GLIS3: variants seen among roughly 807,000 people sequenced by gnomAD.
The protein encoded by GLIS3 is zinc finger protein GLIS3.
A neutral mutation model predicts 78.6 loss-of-function variants in GLIS3; 53 were observed. The ratio of observed to expected loss-of-function variants is 0.67; its 90% CI spans 0.54 to 0.85. GLIS3 has a LOEUF of 0.85. Ranked by LOEUF, GLIS3 falls within the 40% of genes least tolerant of loss-of-function variation. The pLI is 0.00. For missense variants in GLIS3, 1,703 were observed against 1,231.1 expected (o/e 1.38, Z -5.74); for synonymous variants, 684 against 509.9 (o/e 1.34, Z -4.60).
chr9:4,316,177 T>C (rs1480884223), intron 2 of GLIS3, among the ~76,000 whole-genome samples: 1 of 152,182 alleles, frequency 6.6e-6, no homozygotes, highest in East Asian at 1.9e-4. Context: ...TCCACCTTTT[T>C]CTGGTTTTGG....
intron 4 of GLIS3, among the ~76,000 whole-genome samples, chr9:4,028,101 T>C (rs561167254): frequency 6.6e-6 from 1 of 152,258 alleles, no homozygotes; most frequent in African/African-American, 2.4e-5. Flanking sequence ...TAATTGAACA[T>C]CAACCAGGTC....
At chr9:4,391,553 GT>G in the GLIS3 span, among the ~76,000 whole-genome samples, 4 of 124,634 alleles carry the variant, frequency 3.2e-5, no homozygotes, top group African/African-American at 1.0e-4. Context: ...TAAGAGGGGT[GT>G]GTGTGTGTGT....
intron 2 of GLIS3, among the ~76,000 whole-genome samples, chr9:4,127,495 C>A (rs1468130738): frequency 8.5e-5 from 13 of 152,062 alleles, no homozygotes; most frequent in Admixed American, 8.5e-4. Flanking sequence ...GTTTTCGTAA[C>A]TCATAAAGCA....
intron 2 of GLIS3, among the ~76,000 whole-genome samples, chr9:4,277,046 G>T (rs1267990091): frequency 6.6e-6 from 1 of 152,028 alleles, no homozygotes; most frequent in Non-Finnish European, 1.5e-5. Context: ...AAATAACCAC[G>T]GATTTTGCCC....
intron 2 of GLIS3, among the ~76,000 whole-genome samples, chr9:4,184,729 C>G (rs559023206): frequency 1.2e-4 from 19 of 152,280 alleles, no homozygotes; most frequent in African/African-American, 4.6e-4. Flanking sequence ...TGGATGCTAA[C>G]TCTCCCCTAT....
At chr9:4,226,089 A>G (rs1821743928) in intron 2 of GLIS3, among the ~76,000 whole-genome samples, 1 of 152,172 alleles carries the variant, frequency 6.6e-6, no homozygotes, top group African/African-American at 2.4e-5. Context: ...CCTTTAATCA[A>G]CTTCAAACAT....
At chr9:4,048,065 C>A in intron 4 of GLIS3, among the ~76,000 whole-genome samples, 1 of 152,088 alleles carries the variant, frequency 6.6e-6, no homozygotes, top group African/African-American at 2.4e-5. Context: ...CCAATTGAAC[C>A]CATGATTGGA....
At chr9:4,017,462 G>A (rs187509360) in intron 4 of GLIS3, among the ~76,000 whole-genome samples, 7 of 152,240 alleles carry the variant, frequency 4.6e-5, no homozygotes, top group South Asian at 4.1e-4. Flanking sequence ...ACATGAGCGC[G>A]CGTAATACAA....
intron 2 of GLIS3, among the ~76,000 whole-genome samples, chr9:4,277,761 T>G (rs114266260): frequency 0.015 from 2,327 of 152,306 alleles, 66 homozygotes; most frequent in African/African-American, 0.053. Context: ...CTTAAATATT[T>G]AAATAGTTGT....
At chr9:3,856,552 G>A (rs745359971) in intron 8 of GLIS3, among the ~76,000 whole-genome samples, 105 of 152,272 alleles carry the variant, frequency 6.9e-4, no homozygotes, top group Middle Eastern at 6.8e-3. Context: ...CATTTAAGGG[G>A]AAATTTGATC....
intron 4 of GLIS3, among the ~76,000 whole-genome samples, chr9:4,059,827 T>TGAGAGAGAGAGA (rs1252079860): frequency 7.0e-4 from 75 of 106,782 alleles, no homozygotes; most frequent in African/African-American, 2.3e-3. Context: ...TGTGTGTGTG[T>TGAGAGAGAGAGA]GTGAGAGAGA....
Position 4,246,926 on chromosome 9 carries a change from T to C in GLIS3, c.388+39112A>G, listed in dbSNP as rs188325195. Reference sequence around the variant, plus strand: ...CTTTTTCACATTGTTTACCCAAACATTGGCAATAAAGAAGATCAAGCCAGC... The same window carrying C: ...CTTTTTCACATTGTTTACCCAAACACTGGCAATAAAGAAGATCAAGCCAGC... On this transcript the variant is annotated intron_variant, in intron 2 of 10. Coordinates refer to ENST00000381971, the MANE Select transcript of GLIS3 (RefSeq NM_001042413.2). Among the ~76,000 whole-genome samples, 198 of 152,334 alleles carry C rather than the reference T, an allele frequency of 1.3e-3. 2 individuals carry two copies. The highest frequency in any genetic ancestry group is 4.7e-3 in the African/African-American group (195 of 41,580).
At chr9:4,170,861 T>G (rs1011873689) in intron 2 of GLIS3, among the ~76,000 whole-genome samples, 1 of 152,174 alleles carries the variant, frequency 6.6e-6, no homozygotes, top group Non-Finnish European at 1.5e-5. Context: ...CCTCATGAAT[T>G]CTCATAACTG....
the GLIS3 span, among the ~76,000 whole-genome samples, chr9:4,467,205 G>C: frequency 6.6e-6 from 1 of 152,192 alleles, no homozygotes; most frequent in Non-Finnish European, 1.5e-5. Flanking sequence ...ACCTCTGGGG[G>C]CAGGGAATAG....
intron 9 of GLIS3, among the ~76,000 whole-genome samples, chr9:3,835,194 C>T (rs190304331): frequency 2.0e-5 from 3 of 152,308 alleles, no homozygotes; most frequent in Non-Finnish European, 4.4e-5. Context: ...GGAACCACCA[C>T]CAAACTGTGG....
intron 2 of GLIS3, among the ~76,000 whole-genome samples, chr9:4,264,784 T>C (rs561170637): frequency 3.3e-5 from 5 of 152,296 alleles, no homozygotes; most frequent in South Asian, 4.2e-4. Context: ...TACTCACTGA[T>C]TGCTACTTTC....
chr9:3,830,156 T>C (rs1029046102), intron 9 of GLIS3, among the ~76,000 whole-genome samples: 2 of 152,222 alleles, frequency 1.3e-5, no homozygotes, highest in African/African-American at 2.4e-5. Flanking sequence ...AAGAGTAATA[T>C]TTGAAAATAA....
intron 2 of GLIS3, among the ~76,000 whole-genome samples, chr9:4,262,186 G>C (rs1033122808): frequency 6.6e-6 from 1 of 152,128 alleles, no homozygotes; most frequent in African/African-American, 2.4e-5. Context: ...AGGAAAAGGA[G>C]ACGGAAAACT....
At chr9:4,345,237 C>G (rs908912817) in intron 2 of GLIS3, among the ~76,000 whole-genome samples, 1 of 152,190 alleles carries the variant, frequency 6.6e-6, no homozygotes, top group Non-Finnish European at 1.5e-5. Context: ...TCATTCTGCT[C>G]TTCTCAGAAC....
Sources: allele counts gnomAD v4.1 joint callset (sites outside exome capture counted in the v4.1 genomes callset), GRCh38; gene constraint gnomAD v4.1.1; transcripts MANE v1.5; gene names NCBI Gene and HGNC (gene_info 2026-07-23, HGNC 2026-07-21).